Variants in SUDS3 observed in about 807,000 individuals in gnomAD.
The protein encoded by SUDS3 is SIN3A corepressor complex component SDS3, also known as sin3 histone deacetylase corepressor complex component SDS3.
A neutral mutation model predicts 53.5 loss-of-function variants in SUDS3; 23 were observed. That is an observed-to-expected ratio of 0.43 (90% CI 0.31 to 0.61). SUDS3 has a LOEUF of 0.61. Ranked by LOEUF, SUDS3 falls within the 20% of genes least tolerant of loss-of-function variation. SUDS3 has a pLI of 0.10. For missense variants in SUDS3, 291 were observed against 405.9 expected, an observed-to-expected ratio of 0.72 and a Z score of 2.43; for synonymous variants, 150 against 148.5, an observed-to-expected ratio of 1.01 and a Z score of -0.08.
chr12:118,402,108 GTT>G, intron 9 of SUDS3, 104 bp downstream of exon 9: 1 of 1,343,752 alleles, frequency 7.4e-7, no homozygotes, highest in Non-Finnish European at 1.1e-6. Context: ...AAAATGAAAT[GTT>G]CATCATTTGC....
chr12:118,385,413 A>G (rs1229155280), intron 3 of SUDS3, among the ~76,000 whole-genome samples: 1 of 152,138 alleles, frequency 6.6e-6, no homozygotes, highest in African/African-American at 2.4e-5. Context: ...CCAGCCTGAT[A>G]CTGCTGTTTC....
At chr12:118,414,286 C>T (rs1199540372) in intron 11 of SUDS3, 49 bp from the exon 12 acceptor site, 7 of 1,372,816 alleles carry the variant, frequency 5.1e-6, no homozygotes, top group Non-Finnish European at 7.1e-6. Flanking sequence ...AGGAGATTTG[C>T]TCTTCTGTAT....
At chr12:118,388,961 C>T (rs1317891129) in intron 4 of SUDS3, among the ~76,000 whole-genome samples, 1 of 152,150 alleles carries the variant, frequency 6.6e-6, no homozygotes, top group East Asian at 1.9e-4. Context: ...CCCTCCTGGC[C>T]AACATGGTGA....
In SUDS3 at chr12:118,416,031, A is replaced by G. The variant is rs146029330; in HGVS notation, c.*1598A>G. ...TTCTGTATTTCTTCTCTGCCCTCCAATCCCCGACTGCTATGATGTTTACTA... is the reference window on the plus strand; with the variant it reads ...TTCTGTATTTCTTCTCTGCCCTCCAGTCCCCGACTGCTATGATGTTTACTA... On this transcript the variant is annotated 3_prime_UTR_variant, in exon 12 of 12. Coordinates refer to ENST00000543473, the MANE Select transcript of SUDS3 (RefSeq NM_022491.3). 4.0e-5 allele frequency: 6 copies of G among 151,612 alleles called. No individual in the cohort carries two copies. Among genetic ancestry groups the G allele is most frequent in the Admixed American group, 3.3e-4 (5 of 15,228 alleles). 9.4% of individuals were successfully genotyped at this position (151,612 alleles called of 1,614,324 possible).
At position 118,415,806 on chromosome 12, in the gene SUDS3, A is replaced by G. The variant is rs1368648237; in HGVS notation, c.*1373A>G. The G allele has an allele frequency of 1.3e-5, 2 of 152,102 alleles. No homozygotes were observed. Among genetic ancestry groups the G allele is most frequent in the Non-Finnish European group, 2.9e-5 (2 of 68,020 alleles). 9.4% of individuals were successfully genotyped at this position (152,102 alleles called of 1,614,324 possible). ...GTTGGGGGGACTGTGATGACAATTA[A>G]ATCACCTTCTCTGAAGTTCTGGCTC... On this transcript the variant is annotated 3_prime_UTR_variant, in exon 12 of 12. Coordinates refer to ENST00000543473, the MANE Select transcript of SUDS3 (RefSeq NM_022491.3).
intron 3 of SUDS3, among the ~76,000 whole-genome samples, chr12:118,384,637 C>G (rs1365689287): frequency 6.6e-6 from 1 of 152,256 alleles, no homozygotes; most frequent in East Asian, 1.9e-4. Flanking sequence ...TCGAGACAAT[C>G]TTGGCTAACA....
At position 118,390,972 on chromosome 12, in the gene SUDS3, G is replaced by T. The variant is rs140614468; in HGVS notation, c.361-154G>T. On this transcript the variant is annotated intron_variant, in intron 5 of 11. Coordinates refer to ENST00000543473, the MANE Select transcript of SUDS3 (RefSeq NM_022491.3). ...CACGTGGGTCTGATTTTATACCCTC[G>T]CTGGAAAGCTTGTTCTCAGACACAC... 976 of 861,524 alleles carry T rather than the reference G, an allele frequency of 1.1e-3. 3 individuals carry two copies. In the African/African-American group the frequency reaches 0.015, roughly 13 times the overall value. 53.4% of individuals were successfully genotyped at this position (861,524 alleles called of 1,614,324 possible).
rs1328729724 is a variant in SUDS3, at chr12:118,417,016, T to G, written c.*2583T>G. On this transcript the variant is annotated 3_prime_UTR_variant, in exon 12 of 12. Coordinates refer to ENST00000543473, the MANE Select transcript of SUDS3 (RefSeq NM_022491.3). ...GTCTATGTACAGTGTTTGCTGCGGG[T>G]GTGTTCCAATATTCATTTTACCTCT... 6.6e-6 allele frequency: 1 copy of G among 152,214 alleles called. No homozygotes were observed. The highest frequency in any genetic ancestry group is 1.5e-5 in the Non-Finnish European group (1 of 68,064). 9.4% of individuals were successfully genotyped at this position (152,214 alleles called of 1,614,324 possible).
intron 6 of SUDS3, 131 bp downstream of exon 6, chr12:118,391,413 G>A: frequency 9.7e-7 from 1 of 1,027,902 alleles, no homozygotes; most frequent in South Asian, 1.6e-5. Flanking sequence ...TCATAGATCA[G>A]AGTTCCTCCT....
intron 6 of SUDS3, 49 bp downstream of exon 6, chr12:118,391,331 T>C: frequency 1.3e-6 from 2 of 1,545,094 alleles, no homozygotes; most frequent in Non-Finnish European, 8.7e-7. Flanking sequence ...AGCGGGGGGG[T>C]GTGAAGGGCT....
At chr12:118,389,496 A>T (rs2046145638) in intron 4 of SUDS3, among the ~76,000 whole-genome samples, 2 of 150,338 alleles carry the variant, frequency 1.3e-5, no homozygotes, top group South Asian at 4.2e-4. Context: ...GCCACAGCTG[A>T]TATGTTCAGG....
At chr12:118,378,430 G>C (rs1287517335) in intron 1 of SUDS3, among the ~76,000 whole-genome samples, 2 of 151,612 alleles carry the variant, frequency 1.3e-5, no homozygotes, top group Admixed American at 1.3e-4. Context: ...AAACAGTGTA[G>C]CGTAACAACT....
In SUDS3 at chr12:118,403,512, A is replaced by G; in HGVS notation, c.798A>G (p.Lys266=). The G allele has an allele frequency of 6.2e-7, 1 of 1,612,306 alleles. No individual in the cohort carries two copies. Among genetic ancestry groups the G allele is most frequent in the Non-Finnish European group, 8.5e-7 (1 of 1,179,162 alleles). Residue 266 remains lysine (K), a synonymous_variant, in exon 10 of 12, where the codon AAA becomes AAG. Coordinates refer to ENST00000543473, the MANE Select transcript of SUDS3 (RefSeq NM_022491.3). ...AAGATGGCAAACTGTACTATGACAAAAGATGGTATGTTATGGGAAAACCTG... is the reference window on the plus strand; with the variant it reads ...AAGATGGCAAACTGTACTATGACAAGAGATGGTATGTTATGGGAAAACCTG... ...RIEDGKLYYD[K]RWYHKSQAIY...
chr12:118,386,328 A>G lies in SUDS3; in HGVS notation c.340+143A>G, dbSNP rs933701287. 7 of 702,714 alleles carry G rather than the reference A, an allele frequency of 1.0e-5. No individual in the cohort carries two copies. In the African/African-American group the frequency reaches 1.1e-4, roughly 11 times the overall value. 43.5% of individuals were successfully genotyped at this position (702,714 alleles called of 1,614,324 possible). On this transcript the variant is annotated intron_variant, in intron 4 of 11. Coordinates refer to ENST00000543473, the MANE Select transcript of SUDS3 (RefSeq NM_022491.3). ...GAGAGTTTTCAGAAAAGAGACTTCC[A>G]AGCTGCAGTTATGGAAAGTGGTTTC...
rs2046256485 is a variant in SUDS3, at chr12:118,400,726, C to T, written c.585C>T (p.Ile195=). ...GGCGACCAAATGATCCCGTCCCCAT[C>T]CCAGACAAGAGGAGGAAACCTGCTC... ...LRRRPNDPVP[I]PDKRRKPAPA... Residue 195 remains isoleucine, a synonymous_variant, in exon 7 of 12, where the codon ATC becomes ATT. Coordinates refer to ENST00000543473, the MANE Select transcript of SUDS3 (RefSeq NM_022491.3). 1 of 1,613,840 alleles carries T rather than the reference C, an allele frequency of 6.2e-7. No homozygotes were observed. The highest frequency in any genetic ancestry group is 1.1e-5 in the South Asian group (1 of 91,080).
rs2141369402 is a variant in SUDS3 at position 118,389,870 on chromosome 12, C to T, written c.341-57C>T. On this transcript the variant is annotated intron_variant, in intron 4 of 11. Coordinates refer to ENST00000543473, the MANE Select transcript of SUDS3 (RefSeq NM_022491.3). ...TGCTTCTAAATGAATGCTAACATCA[C>T]TGTCTAGAAAGGTGGCACAGCCTAG... The T allele has an allele frequency of 3.7e-6, 6 of 1,605,044 alleles. No individual in the cohort carries two copies. The South Asian group carries it at 5.5e-5, about 15-fold the overall frequency.
chr12:118,397,645 C>G (rs1214346014), intron 6 of SUDS3, among the ~76,000 whole-genome samples: 1 of 152,074 alleles, frequency 6.6e-6, no homozygotes, highest in Non-Finnish European at 1.5e-5. Flanking sequence ...AGGGGCTTCT[C>G]CAGAGTCTCT....
intron 4 of SUDS3, among the ~76,000 whole-genome samples, chr12:118,387,871 A>G (rs2046129524): frequency 6.6e-6 from 1 of 152,096 alleles, no homozygotes; most frequent in Non-Finnish European, 1.5e-5. Context: ...GTGTTCTTTC[A>G]CATTTCTCTC....
At chr12:118,390,432 T>C (rs2046154644) in intron 5 of SUDS3, among the ~76,000 whole-genome samples, 1 of 152,246 alleles carries the variant, frequency 6.6e-6, no homozygotes, top group African/African-American at 2.4e-5. Flanking sequence ...TTGAATGATG[T>C]ACTGCTCCCA....
Sources: gnomAD v4.1 joint callset for allele counts (sites outside exome capture counted in the v4.1 genomes callset) on GRCh38, gnomAD v4.1.1 for gene constraint, MANE v1.5 for transcripts, NCBI Gene and HGNC (gene_info 2026-07-23, HGNC 2026-07-21) for gene names.